STXBP5L: variants seen among roughly 807,000 people sequenced by gnomAD.
STXBP5L encodes the protein syntaxin-binding protein 5-like.
Under a neutral mutation model 144.5 loss-of-function variants are expected in STXBP5L, and 65 were observed. The observed-to-expected ratio is 0.45, with a 90% confidence interval of 0.37 to 0.55. The LOEUF (loss-of-function observed/expected upper bound fraction) is 0.55. Among genes scored for constraint, STXBP5L ranks in the 20% least tolerant of loss-of-function variants. The pLI is 0.00. For missense variants in STXBP5L, 1,298 were observed against 1,405.5 expected (o/e 0.92, Z 1.22); for synonymous variants, 505 against 469.6 (o/e 1.08, Z -0.97).
intron 5 of STXBP5L, among the ~76,000 whole-genome samples, chr3:121,091,931 T>G (rs1423817673): frequency 2.6e-5 from 4 of 152,082 alleles, no homozygotes; most frequent in Non-Finnish European, 5.9e-5. Context: ...AGTCTTTAAT[T>G]CATCTTGAAT....
At chr3:121,240,270 A>C (rs960472922) in intron 13 of STXBP5L, among the ~76,000 whole-genome samples, 170 bp from the exon 14 acceptor site, 1 of 152,202 alleles carries the variant, frequency 6.6e-6, no homozygotes, top group Non-Finnish European at 1.5e-5. Context: ...GTGCATTTAG[A>C]GGTGTTTGTT....
chr3:120,955,969 A>G (rs560088107), intron 3 of STXBP5L, among the ~76,000 whole-genome samples: 1 of 152,044 alleles, frequency 6.6e-6, no homozygotes, highest in African/African-American at 2.4e-5. Flanking sequence ...ATGTATCAAT[A>G]GTTTATTCCT....
At chr3:121,095,197 T>C (rs975255830) in intron 5 of STXBP5L, among the ~76,000 whole-genome samples, 1 of 152,156 alleles carries the variant, frequency 6.6e-6, no homozygotes, top group African/African-American at 2.4e-5. Context: ...TAACCCGACC[T>C]CTCTCTCTGG....
intron 7 of STXBP5L, among the ~76,000 whole-genome samples, chr3:121,130,667 A>G (rs2044941561): frequency 6.6e-6 from 1 of 152,124 alleles, no homozygotes; most frequent in African/African-American, 2.4e-5. Flanking sequence ...GACCCTGGTA[A>G]AGAAAATCAT....
chr3:121,163,380 C>T (rs886322154), intron 9 of STXBP5L, among the ~76,000 whole-genome samples: 2 of 151,520 alleles, frequency 1.3e-5, no homozygotes, highest in African/African-American at 4.9e-5. Flanking sequence ...AGTGAGAACA[C>T]ATGGACACAG....
intron 19 of STXBP5L, among the ~76,000 whole-genome samples, chr3:121,288,095 G>A (rs2051295351): frequency 6.6e-6 from 1 of 152,132 alleles, no homozygotes; most frequent in Non-Finnish European, 1.5e-5. Flanking sequence ...TTAAAAAGAA[G>A]AATCTGTTCT....
At chr3:120,997,037 GAA>G (rs1224080348) in intron 3 of STXBP5L, among the ~76,000 whole-genome samples, 2 of 152,140 alleles carry the variant, frequency 1.3e-5, no homozygotes, top group Non-Finnish European at 2.9e-5. Flanking sequence ...ATGTAAGTGA[GAA>G]CATGCAGTAT....
chr3:121,033,663 T>C (rs1946542045), intron 3 of STXBP5L, among the ~76,000 whole-genome samples: 3 of 151,872 alleles, frequency 2.0e-5, no homozygotes, highest in Admixed American at 1.3e-4. Flanking sequence ...AACCAATACA[T>C]TACCAAGTAG....
intron 11 of STXBP5L, among the ~76,000 whole-genome samples, chr3:121,229,395 C>T (rs1211904621): frequency 1.3e-5 from 2 of 151,954 alleles, no homozygotes; most frequent in African/African-American, 2.4e-5. Flanking sequence ...ATTAAACACA[C>T]CTTACTTTGG....
intron 20 of STXBP5L, among the ~76,000 whole-genome samples, chr3:121,336,584 T>C (rs2044514470): frequency 6.6e-6 from 1 of 151,854 alleles, no homozygotes; most frequent in Non-Finnish European, 1.5e-5. Context: ...GAATGGCTAT[T>C]AATAAAAAGT....
At chr3:121,025,607 G>C (rs1003546630) in intron 3 of STXBP5L, among the ~76,000 whole-genome samples, 2 of 151,708 alleles carry the variant, frequency 1.3e-5, no homozygotes, top group Non-Finnish European at 2.9e-5. Context: ...ATTTTTAACT[G>C]TCTAAATTTT....
intron 2 of STXBP5L, among the ~76,000 whole-genome samples, chr3:120,927,035 A>C (rs956237362): frequency 1.1e-4 from 16 of 151,392 alleles, no homozygotes; most frequent in African/African-American, 3.4e-4. Context: ...TGCCAGGTTC[A>C]AGCGGTTCTC....
At position 120,921,836 on chromosome 3, in the gene STXBP5L, A is replaced by T. The variant is rs551320799; in HGVS notation, c.189+12069A>T. Among the ~76,000 whole-genome samples the T allele has an allele frequency of 2.6e-5, 4 of 152,012 alleles. No homozygotes were observed. The East Asian group carries it at 7.7e-4, about 29-fold the overall frequency. Reference sequence around the variant, plus strand: ...TCCATTGGTCTATGTATCTTTGTTTATGCCAGTATCATGCTAATTTGGTTA... The same window carrying T: ...TCCATTGGTCTATGTATCTTTGTTTTTGCCAGTATCATGCTAATTTGGTTA... On this transcript the variant is annotated intron_variant, in intron 2 of 26. Transcript: ENST00000471454.
intron 2 of STXBP5L, among the ~76,000 whole-genome samples, chr3:120,913,782 A>G (rs1418048628): frequency 6.6e-6 from 1 of 152,036 alleles, no homozygotes; most frequent in South Asian, 2.1e-4. Context: ...GATATGTATA[A>G]AGCAAGGCTT....
intron 10 of STXBP5L, among the ~76,000 whole-genome samples, chr3:121,215,656 T>C (rs1000877481): frequency 6.6e-6 from 1 of 152,200 alleles, no homozygotes; most frequent in African/African-American, 2.4e-5. Context: ...ATCTCAACTT[T>C]AGTGAATCTG....
intron 9 of STXBP5L, among the ~76,000 whole-genome samples, chr3:121,205,653 A>T (rs2108230429): frequency 6.6e-6 from 1 of 152,310 alleles, no homozygotes; most frequent in Middle Eastern, 3.4e-3. Context: ...ATGAAATTAG[A>T]TTTATGTGTG....
chr3:121,129,409 C>T (rs113254948), intron 7 of STXBP5L, among the ~76,000 whole-genome samples: 1 of 150,844 alleles, frequency 6.6e-6, no homozygotes, highest in African/African-American at 2.4e-5. Flanking sequence ...TTGTTGAGTT[C>T]CATTGTGTAG....
At chr3:121,263,265 A>T (rs1055117752) in intron 18 of STXBP5L, among the ~76,000 whole-genome samples, 2 of 152,344 alleles carry the variant, frequency 1.3e-5, no homozygotes, top group Admixed American at 1.3e-4. Context: ...ACAGAAAAAA[A>T]TAGCATCAAC....
chr3:121,018,937 T>A (rs73855304), intron 3 of STXBP5L, among the ~76,000 whole-genome samples: 2,282 of 152,318 alleles, frequency 0.015, 64 homozygotes, highest in African/African-American at 0.052. Flanking sequence ...ACCGTGAGCC[T>A]GCTTGCTTTC....
Sources: gnomAD v4.1 joint callset for allele counts (sites outside exome capture counted in the v4.1 genomes callset) on GRCh38, gnomAD v4.1.1 for gene constraint, MANE v1.5 for transcripts, NCBI Gene and HGNC (gene_info 2026-07-23, HGNC 2026-07-21) for gene names.